Variants in BMPER observed in about 807,000 individuals in gnomAD.
BMPER encodes BMP-binding endothelial regulator protein.
BMPER carries 45 observed loss-of-function variants against 87.3 expected under a neutral mutation model. That is an observed-to-expected ratio of 0.52 (90% confidence interval 0.41 to 0.66). BMPER has a LOEUF of 0.66. Ranked by LOEUF, BMPER falls within the 30% of genes least tolerant of loss-of-function variation. The pLI is 0.00. For synonymous variants in BMPER, 326 were observed against 316.2 expected (o/e 1.03, Z -0.33); for missense variants, 784 against 867.5 (o/e 0.90, Z 1.21).
At chr7:34,138,180 GTTTCTGGTGTAGAGT>G (rs2127993319) in intron 13 of BMPER, among the ~76,000 whole-genome samples, 1 of 152,286 alleles carries the variant, frequency 6.6e-6, no homozygotes, top group African/African-American at 2.4e-5. Context: ...GTGTCTAATG[GTTTCTGGTGTAGAGT>G]TTTCAGGAGG....
rs111265133 is a variant in BMPER at position 34,110,781 on chromosome 7, G to T, written c.1745+24689G>T. On this transcript the variant is annotated intron_variant, in intron 13 of 14. Transcript: ENST00000649409. Reference sequence around the variant, plus strand: ...GTTTTTTAATTTATAATTTATAATTGGAGTAATAAATGCATTCAAACTGAA... The same window carrying T: ...GTTTTTTAATTTATAATTTATAATTTGAGTAATAAATGCATTCAAACTGAA... Among the ~76,000 whole-genome samples, 667 of 152,168 alleles carry T rather than the reference G, an allele frequency of 4.4e-3. 4 individuals carry two copies. Among genetic ancestry groups the T allele is most frequent in the African/African-American group, 0.015 (642 of 41,512 alleles).
chr7:34,129,630 GAGAAAGAA>G (rs10527738), intron 13 of BMPER, among the ~76,000 whole-genome samples: 32 of 56,308 alleles, frequency 5.7e-4, no homozygotes, highest in Admixed American at 4.9e-3. Flanking sequence ...GAGAGAAAGA[GAGAAAGAA>G]AGAAAGAAAG....
At chr7:34,034,004 C>T (rs1354325280) in intron 6 of BMPER, among the ~76,000 whole-genome samples, 3 of 152,138 alleles carry the variant, frequency 2.0e-5, no homozygotes, top group Admixed American at 1.3e-4. Flanking sequence ...GTTTCTCCAT[C>T]CTTCTTGAGA....
chr7:33,931,745 A>T (rs1413337222), intron 2 of BMPER, among the ~76,000 whole-genome samples: 5 of 152,190 alleles, frequency 3.3e-5, no homozygotes, highest in African/African-American at 9.6e-5. Context: ...GAAACAAGAC[A>T]TCCATATTCC....
At chr7:33,974,090 G>A (rs1265658260) in intron 5 of BMPER, among the ~76,000 whole-genome samples, 1 of 152,148 alleles carries the variant, frequency 6.6e-6, no homozygotes, top group African/African-American at 2.4e-5. Context: ...TCTGAACAGT[G>A]CAGCAGATGG....
At chr7:33,980,441 AC>A (rs1226233889) in intron 6 of BMPER, among the ~76,000 whole-genome samples, 1 of 152,222 alleles carries the variant, frequency 6.6e-6, no homozygotes, top group Admixed American at 6.5e-5. Flanking sequence ...TTGGCTTCCT[AC>A]CTGCTTAACT....
At chr7:33,972,798 G>A (rs758638889) in intron 5 of BMPER, among the ~76,000 whole-genome samples, 5 of 152,204 alleles carry the variant, frequency 3.3e-5, no homozygotes, top group Non-Finnish European at 7.3e-5. Flanking sequence ...CTCAATTACG[G>A]GATCATGAAT....
intron 11 of BMPER, among the ~76,000 whole-genome samples, chr7:34,075,949 A>C (rs924293461): frequency 6.6e-6 from 1 of 152,230 alleles, no homozygotes; most frequent in African/African-American, 2.4e-5. Flanking sequence ...ATTTTAGTTC[A>C]TGATACAAAT....
intron 13 of BMPER, among the ~76,000 whole-genome samples, chr7:34,133,855 G>T (rs190391403): frequency 2.6e-5 from 4 of 152,156 alleles, no homozygotes; most frequent in Non-Finnish European, 5.9e-5. Context: ...TTGAGTCAGC[G>T]TGTGGAAGCA....
intron 14 of BMPER, among the ~76,000 whole-genome samples, chr7:34,150,226 T>G (rs1387316894): frequency 2.6e-5 from 4 of 152,306 alleles, no homozygotes; most frequent in Non-Finnish European, 5.9e-5. Context: ...AGTTTTCTTC[T>G]CAGTTGCTAA....
chr7:34,079,784 C>T (rs563369709), intron 12 of BMPER, among the ~76,000 whole-genome samples: 21 of 152,284 alleles, frequency 1.4e-4, no homozygotes, highest in Middle Eastern at 3.4e-3. Context: ...TCTATGCCAC[C>T]GAGGCCCCTT....
intron 2 of BMPER, among the ~76,000 whole-genome samples, chr7:33,922,443 T>C (rs1377647532): frequency 6.6e-6 from 1 of 152,226 alleles, no homozygotes; most frequent in Non-Finnish European, 1.5e-5. Context: ...GCATGGCAGT[T>C]AGACATTTGC....
rs115831080 is a variant in BMPER at position 33,911,653 on chromosome 7, G to A, written c.219+4750G>A. On this transcript the variant is annotated intron_variant, in intron 2 of 14. Coordinates refer to ENST00000649409, the MANE Select transcript of BMPER (RefSeq NM_001365308.1). ...ACAGTCTTGGGTTAAAATCAAACTG[G>A]TGGTGAAGTTGAGACAACTACCTCA... Among the ~76,000 whole-genome samples the A allele has an allele frequency of 4.0e-3, 612 of 152,278 alleles. 2 individuals are homozygous for A. The highest frequency in any genetic ancestry group is 0.011 in the African/African-American group (447 of 41,560).
intron 1 of BMPER, 69 bp from the exon 2 acceptor site, chr7:33,906,749 A>C (rs893385211): frequency 1.4e-6 from 2 of 1,431,672 alleles, no homozygotes; most frequent in African/African-American, 1.4e-5. Flanking sequence ...TTAGTGTAAA[A>C]ATTTTAAATG....
chr7:33,977,192 A>T (rs1357119307), intron 6 of BMPER, among the ~76,000 whole-genome samples: 3 of 152,046 alleles, frequency 2.0e-5, no homozygotes, highest in Admixed American at 2.0e-4. Context: ...CACACATTTG[A>T]GGTGTAAGCT....
chr7:34,100,256 AG>A (rs1789644545), intron 13 of BMPER, among the ~76,000 whole-genome samples: 1 of 152,256 alleles, frequency 6.6e-6, no homozygotes, highest in Non-Finnish European at 1.5e-5. Context: ...ATGTATGCTA[AG>A]AAGGAAAACA....
At chr7:34,104,496 T>C (rs1349618473) in intron 13 of BMPER, among the ~76,000 whole-genome samples, 1 of 152,248 alleles carries the variant, frequency 6.6e-6, no homozygotes, top group Admixed American at 6.5e-5. Context: ...TTGAGACTTG[T>C]TGAACAATGT....
chr7:34,132,467 G>A (rs10272506), intron 13 of BMPER, among the ~76,000 whole-genome samples: 27,859 of 145,958 alleles, frequency 0.19, 3,168 homozygotes, highest in African/African-American at 0.21. Context: ...CCTCCGGATC[G>A]AAGCCAGGTT....
At chr7:33,930,371 C>G (rs1435209263) in intron 2 of BMPER, among the ~76,000 whole-genome samples, 1 of 152,084 alleles carries the variant, frequency 6.6e-6, no homozygotes, top group African/African-American at 2.4e-5. Flanking sequence ...AATGAGCAAG[C>G]AAAAGCTTAA....
Sources: gnomAD v4.1 joint callset for allele counts (sites outside exome capture counted in the v4.1 genomes callset) on GRCh38, gnomAD v4.1.1 for gene constraint, MANE v1.5 for transcripts, NCBI Gene and HGNC (gene_info 2026-07-23, HGNC 2026-07-21) for gene names.